The following DNAH12 variants were observed in gnomAD, a reference collection of about 807,000 sequenced individuals.
DNAH12 encodes dynein axonemal heavy chain 12.
In DNAH12, 285 loss-of-function variants were observed where a neutral mutation model predicts 371.5. The observed-to-expected ratio is 0.77, with a 90% CI of 0.70 to 0.85. The LOEUF is 0.85. Ranked by LOEUF, DNAH12 falls within the 40% of genes least tolerant of loss-of-function variation. The pLI is 0.00. For synonymous variants in DNAH12, 1,200 were observed against 1,213.0 expected, an observed-to-expected ratio of 0.99 and a Z score of 0.22; for missense variants, 3,611 against 3,689.4, an observed-to-expected ratio of 0.98 and a Z score of 0.55.
chr3:57,305,906 G>T (rs1342436487), intron 69 of DNAH12, among the ~76,000 whole-genome samples: 1 of 152,172 alleles, frequency 6.6e-6, no homozygotes, highest in African/African-American at 2.4e-5. Context: ...CGCCTGAACC[G>T]CAGCACCGAG....
chr3:57,314,657 GA>G (rs150487595), intron 65 of DNAH12, 26 bp from the exon 66 acceptor site: 354,960 of 1,508,678 alleles, frequency 0.24, 44,385 homozygotes, highest in African/African-American at 0.28. Context: ...TACATAACAA[GA>G]AAAAAAATTC....
At chr3:57,428,366 C>T (rs1232288962) in intron 34 of DNAH12, 1 of 1,320,534 alleles carries the variant, frequency 7.6e-7, no homozygotes, top group Non-Finnish European at 1.0e-6. Context: ...TTTAGAGGCA[C>T]ATATTTAAAA....
intron 70 of DNAH12, among the ~76,000 whole-genome samples, chr3:57,298,117 A>G (rs1156878766): frequency 6.6e-6 from 1 of 152,128 alleles, no homozygotes; most frequent in African/African-American, 2.4e-5. Flanking sequence ...TTTCCTGCCT[A>G]TCTTGAAGTG....
chr3:57,458,316 T>C (rs1032469914), intron 20 of DNAH12, 96 bp from the exon 21 acceptor site: 105 of 1,319,872 alleles, frequency 8.0e-5, no homozygotes, highest in Non-Finnish European at 1.0e-4. Flanking sequence ...TCTTTTAATG[T>C]TAAAAGGTTT....
intron 32 of DNAH12, among the ~76,000 whole-genome samples, chr3:57,430,562 G>T (rs2064925719): frequency 6.6e-6 from 1 of 152,056 alleles, no homozygotes; most frequent in Non-Finnish European, 1.5e-5. Flanking sequence ...TTTATCAACT[G>T]CTTCCTTTCC....
At chr3:57,420,927 AAAAG>A (rs1345523065) in intron 36 of DNAH12, among the ~76,000 whole-genome samples, 100 of 151,610 alleles carry the variant, frequency 6.6e-4, no homozygotes, top group African/African-American at 2.3e-3. Flanking sequence ...AAAAAAAAAA[AAAAG>A]AAAGAAATAA....
At chr3:57,514,345 G>A (rs1267281582) in intron 4 of DNAH12, among the ~76,000 whole-genome samples, 1 of 150,338 alleles carries the variant, frequency 6.7e-6, no homozygotes, top group African/African-American at 2.5e-5. Context: ...AGTGAGCCGA[G>A]ATTGTGCCAC....
intron 55 of DNAH12, among the ~76,000 whole-genome samples, chr3:57,369,517 T>C (rs912171621): frequency 4.7e-4 from 72 of 151,956 alleles, no homozygotes; most frequent in African/African-American, 1.6e-3. Context: ...GTTCTTTTAG[T>C]TTCTTTCTTT....
intron 60 of DNAH12, among the ~76,000 whole-genome samples, chr3:57,338,351 C>T (rs1039398602): frequency 4.6e-5 from 7 of 152,144 alleles, no homozygotes; most frequent in East Asian, 1.9e-4. Flanking sequence ...GCGTGATCTC[C>T]GCCCGGCTGC....
intron 8 of DNAH12, among the ~76,000 whole-genome samples, chr3:57,504,660 C>T (rs560764407): frequency 6.6e-6 from 1 of 152,112 alleles, no homozygotes; most frequent in Non-Finnish European, 1.5e-5. Flanking sequence ...TATTCTGATA[C>T]AGGAATGTAA....
intron 66 of DNAH12, 139 bp from the exon 67 acceptor site, chr3:57,311,089 T>A: frequency 1.4e-6 from 1 of 697,536 alleles, no homozygotes. Context: ...GATTGTTAGT[T>A]TTTTTTTGGA....
At chr3:57,419,883 T>C (rs554461110) in intron 36 of DNAH12, among the ~76,000 whole-genome samples, 1 of 152,342 alleles carries the variant, frequency 6.6e-6, no homozygotes, top group African/African-American at 2.4e-5. Context: ...AAGATGTCCT[T>C]TTGCATACAT....
chr3:57,346,635 T>G (rs2062549238), intron 60 of DNAH12, among the ~76,000 whole-genome samples: 1 of 152,108 alleles, frequency 6.6e-6, no homozygotes. Flanking sequence ...ATGTCAATGG[T>G]CTAAATACAT....
In DNAH12 at chr3:57,302,529, G is replaced by GTTTATATATATATATATATATATATATA. The variant is rs879293648; in HGVS notation, c.11190-591_11190-590insTATATATATATATATATATATATATAAA. Among the ~76,000 whole-genome samples the GTTTATATATATATATATATATATATATA allele has an allele frequency of 6.3e-5, 3 of 47,850 alleles. 1 individual carries two copies. Among genetic ancestry groups the GTTTATATATATATATATATATATATATA allele is most frequent in the African/African-American group, 1.7e-4 (2 of 11,746 alleles). The allele number at this position is 47,850 out of a possible 152,430, so 31.4% of individuals were successfully genotyped here. ...TGCTGAATTAACTAAGGCATCAGGTGTATATATATATATATATATATATAT... is the reference window on the plus strand; with the variant it reads ...TGCTGAATTAACTAAGGCATCAGGTGTTTATATATATATATATATATATATATATATATATATATATATATATATATAT... On this transcript the variant is annotated intron_variant, in intron 69 of 73. Coordinates refer to ENST00000495027, the MANE Select transcript of DNAH12 (RefSeq NM_001366028.2).
At chr3:57,539,150 C>T (rs2069170652) in intron 2 of DNAH12, among the ~76,000 whole-genome samples, 1 of 152,180 alleles carries the variant, frequency 6.6e-6, no homozygotes, top group Admixed American at 6.5e-5. Context: ...CTTTGTGTCC[C>T]CCTATTCCTG....
chr3:57,351,490 A>G (rs7619392), intron 60 of DNAH12, among the ~76,000 whole-genome samples: 48,856 of 151,992 alleles, frequency 0.32, 8,593 homozygotes, highest in African/African-American at 0.45. Flanking sequence ...ATTACTTATA[A>G]TAGTGCCAAA....
intron 8 of DNAH12, among the ~76,000 whole-genome samples, chr3:57,506,177 G>T (rs2067752496): frequency 6.6e-6 from 1 of 152,152 alleles, no homozygotes; most frequent in Non-Finnish European, 1.5e-5. Flanking sequence ...AGACTGAAGG[G>T]AGGGGAGGTC....
chr3:57,481,889 T>A (rs1338757165), intron 13 of DNAH12, among the ~76,000 whole-genome samples: 2 of 152,116 alleles, frequency 1.3e-5, no homozygotes, highest in Admixed American at 6.6e-5. Flanking sequence ...TGAAACTGGA[T>A]CCCTTCCTTA....
chr3:57,429,781 G>T lies in DNAH12; in HGVS notation c.4981-7C>A, dbSNP rs2064899484. 2 of 1,492,098 alleles carry T rather than the reference G, an allele frequency of 1.3e-6. No homozygotes were observed. Among genetic ancestry groups the T allele is most frequent in the Admixed American group, 2.8e-5 (1 of 35,436 alleles). The allele number at this position is 1,492,098 out of a possible 1,614,324, so 92.4% of individuals were successfully genotyped here. Reference sequence around the variant, plus strand: ...CTCCACTCATAAGGCAAAGCTAAAAGCAATTATTTTTCAAATGTTTATTTT... The same window carrying T: ...CTCCACTCATAAGGCAAAGCTAAAATCAATTATTTTTCAAATGTTTATTTT... On this transcript the variant is annotated splice_region_variant and splice_polypyrimidine_tract_variant and intron_variant, in intron 32 of 73. Coordinates refer to ENST00000495027, the MANE Select transcript of DNAH12 (RefSeq NM_001366028.2).
Sources: gnomAD v4.1 joint callset for allele counts (sites outside exome capture counted in the v4.1 genomes callset) on GRCh38, gnomAD v4.1.1 for gene constraint, MANE v1.5 for transcripts, NCBI Gene and HGNC (gene_info 2026-07-23, HGNC 2026-07-21) for gene names.